MLF1: variants seen among roughly 807,000 people sequenced by gnomAD.
MLF1 encodes the protein myelodysplasia-myeloid leukemia factor 1.
In MLF1, 37 loss-of-function variants were observed where a neutral mutation model predicts 38.3. That is an observed-to-expected ratio of 0.96 (90% confidence interval 0.74 to 1.27). The LOEUF is 1.27. Among genes scored for constraint, MLF1 ranks in the 50% most tolerant of loss-of-function variants. MLF1 has a pLI of 0.00. For synonymous variants in MLF1, 95 were observed against 106.5 expected (o/e 0.89, Z 0.66); for missense variants, 331 against 349.2 (o/e 0.95, Z 0.42).
intron 3 of MLF1, 148 bp from the exon 4 acceptor site, chr3:158,596,714 A>G: frequency 1.9e-6 from 1 of 514,692 alleles, no homozygotes. Flanking sequence ...CTGTCATTAT[A>G]TCCTCTAAGT....
chr3:158,597,758 C>T (rs565062094), intron 4 of MLF1, among the ~76,000 whole-genome samples: 2 of 152,256 alleles, frequency 1.3e-5, no homozygotes, highest in East Asian at 3.9e-4. Context: ...GGGGGCATAG[C>T]ATCTTTATTG....
In MLF1 at chr3:158,606,054, C is replaced by T. The variant is rs908952608; in HGVS notation, c.*852C>T. 5.5e-6 allele frequency: 1 copy of T among 182,392 alleles called. No homozygotes were observed. Among genetic ancestry groups the T allele is most frequent in the Non-Finnish European group, 1.2e-5 (1 of 85,716 alleles). The allele number at this position is 182,392 out of a possible 1,614,324, so 11.3% of individuals were successfully genotyped here. A position where few individuals can be genotyped will look rare whatever the true frequency, so the allele number is the denominator to read the frequency against. On this transcript the variant is annotated 3_prime_UTR_variant, in exon 8 of 8. Transcript: ENST00000466246. ...AAAAATGCATTTGGTATTCTCCAAACCAGAATGATACATTGTCTCAAAATC... is the reference window on the plus strand; with the variant it reads ...AAAAATGCATTTGGTATTCTCCAAATCAGAATGATACATTGTCTCAAAATC...
intron 3 of MLF1, among the ~76,000 whole-genome samples, chr3:158,595,563 G>A (rs773453556): frequency 2.0e-4 from 31 of 152,128 alleles, no homozygotes; most frequent in Non-Finnish European, 4.0e-4. Flanking sequence ...TCAATCTAGT[G>A]TTAAAGCAAA....
intron 1 of MLF1, among the ~76,000 whole-genome samples, chr3:158,583,697 T>C (rs1028336168): frequency 6.6e-6 from 1 of 152,202 alleles, no homozygotes; most frequent in South Asian, 2.1e-4. Flanking sequence ...GAAGTAACTT[T>C]ACTTTTATTC....
chr3:158,600,324 C>T (rs1719561613), intron 6 of MLF1, 151 bp downstream of exon 6: 2 of 411,618 alleles, frequency 4.9e-6, no homozygotes, highest in East Asian at 7.9e-5. Flanking sequence ...ATTGTGTTTT[C>T]ATCCTTTCAT....
At chr3:158,600,367 A>G (rs954785255) in intron 6 of MLF1, among the ~76,000 whole-genome samples, 194 bp downstream of exon 6, 9 of 151,970 alleles carry the variant, frequency 5.9e-5, no homozygotes, top group Non-Finnish European at 1.0e-4. Flanking sequence ...ATTTTTGGCA[A>G]TATGGGATAT....
chr3:158,602,920 T>C lies in MLF1; in HGVS notation c.727T>C (p.Ser243Pro). 1 of 1,612,268 alleles carries C rather than the reference T, an allele frequency of 6.2e-7. No homozygotes were observed. The highest frequency in any genetic ancestry group is 1.1e-5 in the South Asian group (1 of 90,844). Residue 243 changes from serine to proline, a missense_variant, in exon 7 of 8, where the codon TCC becomes CCC. Ser to Pro is a moderately conservative substitution (Grantham distance 74). Transcript: ENST00000466246. ...AAGTGTTGGCCATGAGAATCCTGGCTCCCGAGAACTTAAAAGAAGGTAAAA... is the reference window on the plus strand; with the variant it reads ...AAGTGTTGGCCATGAGAATCCTGGCCCCCGAGAACTTAAAAGAAGGTAAAA... ...MRSVGHENPG[S>P]RELKRREKPQ...
At chr3:158,599,950 G>A (rs1188862804) in intron 5 of MLF1, 64 bp from the exon 6 acceptor site, 1 of 718,266 alleles carries the variant, frequency 1.4e-6, no homozygotes, top group Non-Finnish European at 1.9e-6. Flanking sequence ...CTGTAGGTAA[G>A]CTGGCCCTGA....
At chr3:158,582,707 G>A in intron 1 of MLF1, 3 of 500,090 alleles carry the variant, frequency 6.0e-6, no homozygotes, top group Middle Eastern at 5.1e-4. Context: ...GTGTTGAGAG[G>A]AAAAAAACCC....
At position 158,593,291 on chromosome 3, in the gene MLF1, A is replaced by G. The variant is rs1718427204; in HGVS notation, c.196-91A>G. The G allele has an allele frequency of 8.0e-6, 8 of 998,982 alleles. No homozygotes were observed. The East Asian group carries it at 2.0e-4, about 24-fold the overall frequency. 61.9% of individuals were successfully genotyped at this position (998,982 alleles called of 1,614,324 possible). On this transcript the variant is annotated intron_variant, in intron 2 of 7. Transcript: ENST00000466246. Reference sequence around the variant, plus strand: ...GAATCTCAGCAATTGAAATGTAGCAATTTGAAATTCAGTAAACATTTAATT... The same window carrying G: ...GAATCTCAGCAATTGAAATGTAGCAGTTTGAAATTCAGTAAACATTTAATT...
At position 158,602,808 on chromosome 3, in the gene MLF1, T is replaced by C. The variant is rs4875; in HGVS notation, c.615T>C (p.Ser205=). The change falls in exon 7 of 8, where the codon AGT becomes AGC. Residue 205 remains serine (S), a splice_region_variant and synonymous_variant. Coordinates refer to ENST00000466246, the MANE Select transcript of MLF1 (RefSeq NM_001369783.1). ...VNQEFINMNE[S]DAHAFDEEWQ... Reference sequence around the variant, plus strand: ...CCATTATTTTTCTGTTTGACATAGGTGATGCTCATGCTTTTGATGAGGAGT... The same window carrying C: ...CCATTATTTTTCTGTTTGACATAGGCGATGCTCATGCTTTTGATGAGGAGT... The C allele has an allele frequency of 0.54, 864,918 of 1,610,636 alleles. 235,459 individuals are homozygous for C. Among genetic ancestry groups the C allele is most frequent in the African/African-American group, 0.72 (54,167 of 74,836 alleles).
chr3:158,600,433 A>AT (rs1560111769), intron 6 of MLF1, among the ~76,000 whole-genome samples: 2 of 151,196 alleles, frequency 1.3e-5, no homozygotes, highest in Admixed American at 6.6e-5. Context: ...TTATTTAGTA[A>AT]TATCATTAGG....
rs916903212 is a variant in MLF1, at chr3:158,578,749, T to C, written c.47+7402T>C. On this transcript the variant is annotated intron_variant, in intron 1 of 7. Transcript: ENST00000466246. ...CAATTCTAAGAGAGGAGGTATATAG[T>C]CATCAGTGAGTAAAAGTACATTTTT... 2.0e-5 allele frequency among the ~76,000 whole-genome samples: 3 copies of C among 152,220 alleles called. No individual in the cohort carries two copies. In the East Asian group the frequency reaches 5.8e-4, roughly 29 times the overall value.
Position 158,593,404 on chromosome 3 carries a change from CT to C in MLF1, c.222del (p.Phe74LeufsTer24). 8.3e-6 allele frequency: 13 copies of C among 1,560,642 alleles called. No homozygotes were observed. The highest frequency in any genetic ancestry group is 4.6e-5 in the East Asian group (2 of 43,564). ...CAGGCAACGAGTTGTTCTCTTGTGCCTTTTGGCGATTTTGGTGGTATGGTTC... is the reference window on the plus strand; with the variant it reads ...CAGGCAACGAGTTGTTCTCTTGTGCCTTTGGCGATTTTGGTGGTATGGTTC... ...SLTATSCSLV[P>X]FGDFGGMHTD... On this transcript the variant is annotated frameshift_variant, in exon 3 of 8. Transcript: ENST00000466246. LOFTEE classifies it high-confidence loss of function.
chr3:158,572,359 TG>T (rs1335417338), intron 1 of MLF1, among the ~76,000 whole-genome samples: 2 of 79,920 alleles, frequency 2.5e-5, no homozygotes, highest in South Asian at 8.7e-4. Flanking sequence ...CGTGAGTTGG[TG>T]GGGAGGGTTT....
intron 7 of MLF1, among the ~76,000 whole-genome samples, chr3:158,603,851 A>G (rs968877564): frequency 5.9e-5 from 9 of 152,120 alleles, no homozygotes; most frequent in African/African-American, 1.9e-4. Flanking sequence ...AAATAAATAA[A>G]TAAATATTAT....
At chr3:158,576,911 A>G (rs1234363675) in intron 1 of MLF1, among the ~76,000 whole-genome samples, 3 of 151,972 alleles carry the variant, frequency 2.0e-5, no homozygotes, top group Non-Finnish European at 4.4e-5. Flanking sequence ...TGATCTCGTG[A>G]TATGCTGGCC....
chr3:158,587,768 A>T (rs1449408688), intron 1 of MLF1, among the ~76,000 whole-genome samples: 1 of 152,240 alleles, frequency 6.6e-6, no homozygotes, highest in Non-Finnish European at 1.5e-5. Flanking sequence ...TGGGAGGCCG[A>T]GGCGGGCAGA....
At chr3:158,596,567 T>G (rs536003074) in intron 3 of MLF1, among the ~76,000 whole-genome samples, 12 of 152,254 alleles carry the variant, frequency 7.9e-5, no homozygotes, top group African/African-American at 2.9e-4. Flanking sequence ...AAAAAGTGAG[T>G]AATGAGTGAT....
Sources: gnomAD v4.1 joint callset for allele counts (sites outside exome capture counted in the v4.1 genomes callset) on GRCh38, gnomAD v4.1.1 for gene constraint, MANE v1.5 for transcripts, NCBI Gene and HGNC (gene_info 2026-07-23, HGNC 2026-07-21) for gene names.